Variants in MYBBP1A observed in about 807,000 individuals in gnomAD.
MYBBP1A encodes myb-binding protein 1A.
Under a neutral mutation model 136.3 loss-of-function variants are expected in MYBBP1A, and 147 were observed. That is an observed-to-expected ratio of 1.08 (90% confidence interval 0.94 to 1.24). The LOEUF is 1.24. Among genes scored for constraint, MYBBP1A ranks in the 50% most tolerant of loss-of-function variants. The pLI is 0.00. For synonymous variants in MYBBP1A, 947 were observed against 735.8 expected (o/e 1.29, Z -4.65); for missense variants, 2,060 against 1,727.4 (o/e 1.19, Z -3.41).
At chr17:4,543,955 G>A (rs368472611) in intron 19 of MYBBP1A, among the ~76,000 whole-genome samples, 13 of 152,164 alleles carry the variant, frequency 8.5e-5, no homozygotes, top group Admixed American at 8.5e-4. Context: ...CAGGGCCTGC[G>A]AGGGTGCGGG....
Position 4,550,372 on chromosome 17 carries a change from G to A in MYBBP1A, c.1024-19C>T. 1 of 1,597,200 alleles carries A rather than the reference G, an allele frequency of 6.3e-7. No individual in the cohort carries two copies. Among genetic ancestry groups the A allele is most frequent in the Non-Finnish European group, 8.5e-7 (1 of 1,170,946 alleles). ...TTGGGAGCTGCAAGAGTTAGGCATG[G>A]CGCTGAGCCCACCAGCCCAGGGGGG... On this transcript the variant is annotated intron_variant, in intron 8 of 25. Coordinates refer to ENST00000254718, the MANE Select transcript of MYBBP1A (RefSeq NM_014520.4).
In MYBBP1A at chr17:4,549,399, G is replaced by A. The variant is rs1439215196; in HGVS notation, c.1363C>T (p.Arg455Ter). 2.2e-5 allele frequency: 35 copies of A among 1,613,120 alleles called. No individual in the cohort carries two copies. The highest frequency in any genetic ancestry group is 1.1e-4 in the African/African-American group (8 of 74,916). ...AGGCTGTCCACAATGCTCACCAATC[G>A]AAAGATGATCCATTTCCTCAGCCGG... ...VFRLRKWIIF[R>*]LVSIVDSLHL... The change falls in exon 10 of 26, where the codon CGA becomes TGA. Residue 455 changes from arginine (R) to a stop codon, truncating the protein, a stop_gained. Coordinates refer to ENST00000254718, the MANE Select transcript of MYBBP1A (RefSeq NM_014520.4). LOFTEE classifies it high-confidence loss of function.
chr17:4,541,085 C>T (rs1160376711), intron 24 of MYBBP1A, among the ~76,000 whole-genome samples: 1 of 152,264 alleles, frequency 6.6e-6, no homozygotes, highest in Non-Finnish European at 1.5e-5. Context: ...CAGCCCTGCC[C>T]TGATGGCTGC....
Position 4,548,717 on chromosome 17 carries a change from A to G in MYBBP1A, c.1431-68T>C. 6.3e-7 allele frequency: 1 copy of G among 1,598,312 alleles called. No individual in the cohort carries two copies. Among genetic ancestry groups the G allele is most frequent in the Non-Finnish European group, 8.5e-7 (1 of 1,170,492 alleles). On this transcript the variant is annotated intron_variant, in intron 10 of 25. Transcript: ENST00000254718. This position sits in a 1 kb window ranked among gnomAD's most constrained non-coding sequence, Gnocchi z 4.2. ...GGTTTTTACAGGCTCCCCTCCTTGG[A>G]TGGTACCACCGAGGGTACAAGGCCA...
rs1907598655 is a variant in MYBBP1A, at chr17:4,552,350, A to G, written c.738-58T>C. On this transcript the variant is annotated intron_variant, in intron 6 of 25. Coordinates refer to ENST00000254718, the MANE Select transcript of MYBBP1A (RefSeq NM_014520.4). This position sits in a 1 kb window ranked among gnomAD's most constrained non-coding sequence, Gnocchi z 4.7. ...CCTCACAGGCAAGGGCCAGGGTGAC[A>G]AGAGCAGCCGGGACACCCCCAGGCC... 1 of 1,607,998 alleles carries G rather than the reference A, an allele frequency of 6.2e-7. No homozygotes were observed. The highest frequency in any genetic ancestry group is 1.7e-5 in the Admixed American group (1 of 59,802).
In MYBBP1A at chr17:4,541,084, C is replaced by T. The variant is rs992147123; in HGVS notation, c.3297+379G>A. Among the ~76,000 whole-genome samples, 19 of 152,370 alleles carry T rather than the reference C, an allele frequency of 1.2e-4. No individual in the cohort carries two copies. In the Middle Eastern group the frequency reaches 0.01, roughly 82 times the overall value. ...ACCTCCAGCTGCCTCCCAGCCCTGC[C>T]CTGATGGCTGCCCACACTCCTGTAC... On this transcript the variant is annotated intron_variant, in intron 24 of 25. Transcript: ENST00000254718.
Position 4,547,976 on chromosome 17 carries a change from C to A in MYBBP1A, c.1806G>T (p.Val602=). The A allele has an allele frequency of 6.6e-7, 1 of 1,519,134 alleles. No individual in the cohort carries two copies. The highest frequency in any genetic ancestry group is 1.2e-5 in the South Asian group (1 of 80,646). The allele number at this position is 1,519,134 out of a possible 1,614,324, so 94.1% of individuals were successfully genotyped here. A position where few individuals can be genotyped will look rare whatever the true frequency, so the allele number is the denominator to read the frequency against. ...AAAFQHLLLL[V]GIHLLKSPAE... is the part of the protein sequence containing the mutation. ...CCAGTACCTTGAGGAGGTGGATGCC[C>A]ACGAGGAGCAGAAGGTGCTGGAAGG... The change falls in exon 13 of 26, where the codon GTG becomes GTT. Residue 602 remains valine (V), a synonymous_variant. Coordinates refer to ENST00000254718, the MANE Select transcript of MYBBP1A (RefSeq NM_014520.4).
In MYBBP1A at chr17:4,542,667, G is replaced by A. The variant is rs766054588; in HGVS notation, c.2967C>T (p.Arg989=). 4 of 1,614,060 alleles carry A rather than the reference G, an allele frequency of 2.5e-6. No homozygotes were observed. The highest frequency in any genetic ancestry group is 4.5e-5 in the East Asian group (2 of 44,874). Residue 989 remains arginine (R), a synonymous_variant, in exon 21 of 26, where the codon CGC becomes CGT. Transcript: ENST00000254718. ...STALSSFLTK[R]NSPLTVPMFL... ...ACATGGGAACTGTGAGGGGGCTGTT[G>A]CGCTTGGTCAGGAAGGAGCTCAGTG...
At chr17:4,551,747 C>G in intron 8 of MYBBP1A, 133 bp downstream of exon 8, 1 of 751,240 alleles carries the variant, frequency 1.3e-6, no homozygotes, top group Non-Finnish European at 2.3e-6. Flanking sequence ...GGGGTTCAGG[C>G]AGCTCACTAC....
At position 4,548,151 on chromosome 17, in the gene MYBBP1A, G is replaced by C; in HGVS notation, c.1716C>G (p.Ala572=). 1 of 1,605,096 alleles carries C rather than the reference G, an allele frequency of 6.2e-7. No homozygotes were observed. Among genetic ancestry groups the C allele is most frequent in the Non-Finnish European group, 8.5e-7 (1 of 1,179,984 alleles). Residue 572 remains alanine (A), a synonymous_variant, in exon 12 of 26, where the codon GCC becomes GCG. Coordinates refer to ENST00000254718, the MANE Select transcript of MYBBP1A (RefSeq NM_014520.4). This position sits in a 1 kb window ranked among gnomAD's most constrained non-coding sequence, Gnocchi z 4.2. ...AAATCCCACGTGCTCACCGGTCCCAGGCCTGGCGCTGCTGCGCAGTGAAGG... is the reference window on the plus strand; with the variant it reads ...AAATCCCACGTGCTCACCGGTCCCACGCCTGGCGCTGCTGCGCAGTGAAGG... The part of the protein sequence containing the change: ...VTPFTAQQRQ[A]WDRMLQTLKE...
At chr17:4,542,265 T>G (rs1378525061) in intron 22 of MYBBP1A, 199 bp downstream of exon 22, 3 of 634,680 alleles carry the variant, frequency 4.7e-6, no homozygotes, top group African/African-American at 1.8e-5. Flanking sequence ...TCAGCTCCTG[T>G]GTGTTCACTG....
At chr17:4,544,454 G>A (rs138241456) in intron 19 of MYBBP1A, 35 bp downstream of exon 19, 189 of 1,542,066 alleles carry the variant, frequency 1.2e-4, no homozygotes, top group African/African-American at 7.7e-4. Context: ...GGGGGCTGCC[G>A]GCCACACCTG....
Position 4,548,193 on chromosome 17 carries a change from GT to G in MYBBP1A, c.1673del (p.Asn558ThrfsTer2). 6.2e-7 allele frequency: 1 copy of G among 1,607,118 alleles called. No homozygotes were observed. The highest frequency in any genetic ancestry group is 8.5e-7 in the Non-Finnish European group (1 of 1,179,976). On this transcript the variant is annotated frameshift_variant, in exon 12 of 26. Coordinates refer to ENST00000254718, the MANE Select transcript of MYBBP1A (RefSeq NM_014520.4). LOFTEE classifies it high-confidence loss of function. The surrounding 1 kb of genome is among the most constrained non-coding windows in gnomAD (Gnocchi z 4.2). ...CAGTGAAGGGTGTCACGGTGGTCAC[GT>G]TGTGGCTGTGATTCAACAGGAGGTC... ...FADLLLNHSH[N>X]VTTVTPFTAQ...
intron 2 of MYBBP1A, 101 bp downstream of exon 2, chr17:4,554,760 C>G (rs543196318): frequency 5.2e-6 from 6 of 1,157,440 alleles, no homozygotes; most frequent in Admixed American, 2.1e-5. Flanking sequence ...ACCTCTCTCT[C>G]GGGCTGCCCC....
rs1182025891 is a variant in MYBBP1A at position 4,552,338 on chromosome 17, G to A, written c.738-46C>T. On this transcript the variant is annotated intron_variant, in intron 6 of 25. Transcript: ENST00000254718. This position sits in a 1 kb window ranked among gnomAD's most constrained non-coding sequence, Gnocchi z 4.7. Reference sequence around the variant, plus strand: ...AGGGAACACTTGCCTCACAGGCAAGGGCCAGGGTGACAAGAGCAGCCGGGA... The same window carrying A: ...AGGGAACACTTGCCTCACAGGCAAGAGCCAGGGTGACAAGAGCAGCCGGGA... 2 of 1,610,314 alleles carry A rather than the reference G, an allele frequency of 1.2e-6. No individual in the cohort carries two copies. The highest frequency in any genetic ancestry group is 8.5e-7 in the Non-Finnish European group (1 of 1,178,462).
chr17:4,550,284 C>A lies in MYBBP1A; in HGVS notation c.1093G>T (p.Asp365Tyr), dbSNP rs1405782148. The A allele has an allele frequency of 6.2e-7, 1 of 1,613,458 alleles. No homozygotes were observed. Among genetic ancestry groups the A allele is most frequent in the Admixed American group, 1.7e-5 (1 of 60,032 alleles). Reference protein sequence around the residue: ...YVGTFLEGCQDDPERQLAVLV... With the variant: ...YVGTFLEGCQYDPERQLAVLV... The stretch of plus-strand genomic sequence containing the variant: ...ACGGCCAGCTGCCGCTCAGGGTCAT[C>A]CTGGCACCCCTCTAGGAAGGTGCCC... The change falls in exon 9 of 26, where the codon GAT becomes TAT. Residue 365 changes from aspartate to tyrosine, a missense_variant. Transcript: ENST00000254718.
At chr17:4,546,065 C>T (rs964529671) in intron 13 of MYBBP1A, 123 bp from the exon 14 acceptor site, 27 of 828,378 alleles carry the variant, frequency 3.3e-5, no homozygotes, top group Admixed American at 2.4e-4. Flanking sequence ...GCCACTGGCC[C>T]GCCCTGGCCA....
rs116274831 is a variant in MYBBP1A, at chr17:4,549,855, C to T, written c.1319+203G>A. Among the ~76,000 whole-genome samples, 470 of 149,724 alleles carry T rather than the reference C, an allele frequency of 3.1e-3. 2 individuals are homozygous for T. Among genetic ancestry groups the T allele is most frequent in the African/African-American group, 0.011 (445 of 40,562 alleles). Reference sequence around the variant, plus strand: ...TTCCTTTGCCTGATCTCAGAGACAACACTCCAAGATCTCCCCATCCCGATC... The same window carrying T: ...TTCCTTTGCCTGATCTCAGAGACAATACTCCAAGATCTCCCCATCCCGATC... On this transcript the variant is annotated intron_variant, in intron 9 of 25. Transcript: ENST00000254718.
In MYBBP1A at chr17:4,552,439, C is replaced by G. The variant is rs371253003; in HGVS notation, c.737+12G>C. On this transcript the variant is annotated intron_variant, in intron 6 of 25. Transcript: ENST00000254718. This position sits in a 1 kb window ranked among gnomAD's most constrained non-coding sequence, Gnocchi z 4.7. ...GCCCCAGGGAGGGCAAATCCGCCCA[C>G]CTCCATCACACCTGGGGACATTCTC... The G allele has an allele frequency of 6.2e-7, 1 of 1,611,208 alleles. No homozygotes were observed. Among genetic ancestry groups the G allele is most frequent in the Non-Finnish European group, 8.5e-7 (1 of 1,179,274 alleles).
Sources: allele counts gnomAD v4.1 joint callset (sites outside exome capture counted in the v4.1 genomes callset), GRCh38; gene constraint gnomAD v4.1.1; non-coding constraint Gnocchi (gnomAD v3.1); transcripts MANE v1.5; gene names NCBI Gene and HGNC (gene_info 2026-07-23, HGNC 2026-07-21).